Variants in NEK10 observed in about 807,000 individuals in gnomAD.
The protein encoded by NEK10 is NIMA related kinase 10.
Under a neutral mutation model 159.8 loss-of-function variants are expected in NEK10, and 122 were observed. That is an observed-to-expected ratio of 0.76 (90% CI 0.66 to 0.89). The LOEUF (loss-of-function observed/expected upper bound fraction) is 0.89, where lower values mean the gene tolerates loss of function less well. Ranked by LOEUF, NEK10 falls within the 40% of genes least tolerant of loss-of-function variation. The pLI, the probability that NEK10 is intolerant of heterozygous loss-of-function variation, is 0.00. For missense variants in NEK10, 1,342 were observed against 1,323.1 expected (o/e 1.01, Z -0.22); for synonymous variants, 466 against 457.1 (o/e 1.02, Z -0.25).
chr3:27,167,007 T>G (rs140689536), intron 29 of NEK10, among the ~76,000 whole-genome samples: 3 of 152,056 alleles, frequency 2.0e-5, no homozygotes, highest in South Asian at 2.1e-4. Context: ...AATACAATTA[T>G]GCATACACTG....
intron 29 of NEK10, among the ~76,000 whole-genome samples, chr3:27,166,062 T>C (rs1449379017): frequency 6.6e-6 from 1 of 152,242 alleles, no homozygotes; most frequent in African/African-American, 2.4e-5. Context: ...ATGAGAGGTT[T>C]GGCTTACAAT....
chr3:27,120,331 T>C (rs981119153), intron 32 of NEK10, among the ~76,000 whole-genome samples: 1 of 151,732 alleles, frequency 6.6e-6, no homozygotes, highest in Admixed American at 6.6e-5. Context: ...TTTTTTCTTT[T>C]TTTTTTTTCT....
intron 23 of NEK10, among the ~76,000 whole-genome samples, chr3:27,217,089 G>A (rs1028131897): frequency 6.6e-6 from 1 of 152,104 alleles, no homozygotes; most frequent in Non-Finnish European, 1.5e-5. Flanking sequence ...AGAAAATAAG[G>A]ACAATGAAAA....
At chr3:27,334,814 AC>A (rs2046682237) in intron 5 of NEK10, among the ~76,000 whole-genome samples, 1 of 152,178 alleles carries the variant, frequency 6.6e-6, no homozygotes, top group African/African-American at 2.4e-5. Context: ...CAGTGTAAGA[AC>A]ACAGGAAACA....
chr3:27,112,793 T>C (rs1049162909), intron 35 of NEK10, among the ~76,000 whole-genome samples: 1 of 152,248 alleles, frequency 6.6e-6, no homozygotes, highest in African/African-American at 2.4e-5. Flanking sequence ...TCTATTGACA[T>C]CTTTGATAAT....
At chr3:27,248,706 A>T (rs914208137) in intron 23 of NEK10, among the ~76,000 whole-genome samples, 1 of 152,200 alleles carries the variant, frequency 6.6e-6, no homozygotes, top group Non-Finnish European at 1.5e-5. Flanking sequence ...ATTCTATTAC[A>T]GTCAGAGAAG....
At position 27,295,626 on chromosome 3, in the gene NEK10, C is replaced by T; in HGVS notation, c.1295G>A (p.Ser432Asn). The change falls in exon 15 of 36, where the codon AGT becomes AAT. Residue 432 changes from serine (S) to asparagine (N), a missense_variant. Physicochemically the swap from Ser to Asn is conservative, Grantham distance 46. Coordinates refer to ENST00000691995, the MANE Select transcript of NEK10 (RefSeq NM_001394966.1). ...LPNKQKNAAK[S>N]NLLQCYAFRA... ...CATGTTTATTACCTGTAATAGATTA[C>T]TTTTTGCTGCATTCTTTTGCTTATT... 1.9e-6 allele frequency: 3 copies of T among 1,563,832 alleles called. No individual in the cohort carries two copies. The highest frequency in any genetic ancestry group is 8.7e-7 in the Non-Finnish European group (1 of 1,151,640).
intron 7 of NEK10, among the ~76,000 whole-genome samples, 167 bp from the exon 8 acceptor site, chr3:27,312,344 C>G (rs1271146690): frequency 6.6e-6 from 1 of 152,168 alleles, no homozygotes; most frequent in Non-Finnish European, 1.5e-5. Flanking sequence ...CAAAAGGTGA[C>G]TGGGTTTCTA....
In NEK10 at chr3:27,205,688, A is replaced by G. The variant is rs373032891; in HGVS notation, c.2091-3131T>C. ...AGCTGAAACTGGATCCCTTCCTTAC[A>G]CCTTATACAAAAATCAATTCAAGAT... On this transcript the variant is annotated intron_variant, in intron 23 of 35. Coordinates refer to ENST00000691995, the MANE Select transcript of NEK10 (RefSeq NM_001394966.1). Among the ~76,000 whole-genome samples, 19 of 136,830 alleles carry G rather than the reference A, an allele frequency of 1.4e-4. No homozygotes were observed. In the East Asian group the frequency reaches 3.7e-3, roughly 27 times the overall value. The allele number at this position is 136,830 out of a possible 152,430, so 89.8% of individuals were successfully genotyped here.
rs560752693 is a variant in NEK10, at chr3:27,226,758, GA to G, written c.2091-24202del. On this transcript the variant is annotated intron_variant, in intron 23 of 35. Transcript: ENST00000691995. The stretch of plus-strand genomic sequence containing the variant: ...TTTATTCTTAGAAAAAAAGATATAT[GA>G]AAAAATGGAAATAAAAATACTTGAA... Among the ~76,000 whole-genome samples, 374 of 152,138 alleles carry G rather than the reference GA, an allele frequency of 2.5e-3. 6 individuals carry two copies. Among genetic ancestry groups the G allele is most frequent in the Non-Finnish European group, 4.1e-4 (28 of 67,992 alleles).
intron 22 of NEK10, among the ~76,000 whole-genome samples, chr3:27,271,253 T>G (rs1017224566): frequency 1.1e-4 from 17 of 152,096 alleles, no homozygotes; most frequent in Non-Finnish European, 2.5e-4. Context: ...ATAGGACATA[T>G]TAGAAGACTA....
chr3:27,151,267 C>T (rs1000301681), intron 30 of NEK10, among the ~76,000 whole-genome samples: 1 of 152,124 alleles, frequency 6.6e-6, no homozygotes, highest in Non-Finnish European at 1.5e-5. Context: ...CGCCCCACCA[C>T]CTCCACCAGA....
intron 3 of NEK10, among the ~76,000 whole-genome samples, chr3:27,349,834 T>C (rs780758053): frequency 1.3e-5 from 2 of 152,210 alleles, no homozygotes; most frequent in Non-Finnish European, 2.9e-5. Flanking sequence ...ATGATTATTC[T>C]AAGCCTGCTC....
At position 27,109,919 on chromosome 3, in the gene NEK10, T is replaced by C. The variant is rs1470640760; in HGVS notation, c.*1353A>G. Among the ~76,000 whole-genome samples, 2 of 152,184 alleles carry C rather than the reference T, an allele frequency of 1.3e-5. No homozygotes were observed. The highest frequency in any genetic ancestry group is 2.4e-5 in the African/African-American group (1 of 41,452). On this transcript the variant is annotated 3_prime_UTR_variant, in exon 36 of 36. Coordinates refer to ENST00000691995, the MANE Select transcript of NEK10 (RefSeq NM_001394966.1). ...GCATTAGTGCATGATTAAAGGGAAT[T>C]TGGATATAATTTAAGTATTAAATAT... is the stretch of plus-strand genomic sequence containing the variant.
At chr3:27,173,711 A>G (rs1224540646) in intron 28 of NEK10, among the ~76,000 whole-genome samples, 1 of 152,172 alleles carries the variant, frequency 6.6e-6, no homozygotes, top group African/African-American at 2.4e-5. Context: ...AATTTATTTC[A>G]GAATATTTCT....
rs760738528 is a variant in NEK10 at position 27,174,486 on chromosome 3, T to G, written c.2729A>C (p.Asp910Ala). 1.9e-6 allele frequency: 3 copies of G among 1,612,264 alleles called. No individual in the cohort carries two copies. The African/African-American group carries it at 4.0e-5, about 22-fold the overall frequency. The stretch of plus-strand genomic sequence containing the variant: ...GCTTGAACTGGAGCTGCTGGAGTTA[T>G]CCGAAATGTCCAATTCATCATCTAC... The part of the protein sequence containing the change: ...SEVDDELDIS[D>A]NSSSSSSSPL... The change falls in exon 28 of 36, where the codon GAT becomes GCT. Residue 910 changes from aspartate (D) to alanine (A), a missense_variant. Transcript: ENST00000691995.
intron 35 of NEK10, among the ~76,000 whole-genome samples, chr3:27,113,184 A>G (rs1245079111): frequency 2.6e-5 from 4 of 152,064 alleles, no homozygotes; most frequent in African/African-American, 9.7e-5. Flanking sequence ...CTGTAATCCC[A>G]GCACTTTGGG....
At chr3:27,206,061 T>C (rs1950514449) in intron 23 of NEK10, among the ~76,000 whole-genome samples, 1 of 152,232 alleles carries the variant, frequency 6.6e-6, no homozygotes, top group South Asian at 2.1e-4. Context: ...ACTAATCCCA[T>C]TGGTGAGGGC....
intron 5 of NEK10, among the ~76,000 whole-genome samples, chr3:27,335,474 C>T (rs73149742): frequency 0.02 from 3,001 of 151,948 alleles, 102 homozygotes; most frequent in African/African-American, 0.069. Context: ...AACAAAGAAA[C>T]GTTGGATTTA....
Sources: allele counts gnomAD v4.1 joint callset (sites outside exome capture counted in the v4.1 genomes callset), GRCh38; gene constraint gnomAD v4.1.1; transcripts MANE v1.5; gene names NCBI Gene and HGNC (gene_info 2026-07-23, HGNC 2026-07-21).